The following ZNF256 variants were observed in gnomAD, a reference collection of about 807,000 sequenced individuals.
ZNF256 encodes zinc finger protein 256, also known as bone marrow zinc finger 3.
Under a neutral mutation model 7.9 loss-of-function variants are expected in ZNF256, and 4 were observed. The observed-to-expected ratio is 0.50, with a 90% CI of 0.25 to 1.15. The LOEUF (loss-of-function observed/expected upper bound fraction) is 1.15. Ranked by LOEUF, ZNF256 falls within the 50% of genes most tolerant of loss-of-function variation. The pLI, the probability that ZNF256 is intolerant of heterozygous loss-of-function variation, is 0.15. For synonymous variants in ZNF256, 260 were observed against 260.4 expected, an observed-to-expected ratio of 1.00 and a Z score of 0.02; for missense variants, 666 against 755.9, an observed-to-expected ratio of 0.88 and a Z score of 1.39.
chr19:57,944,068 G>A lies in ZNF256; in HGVS notation c.34-8C>T. On this transcript the variant is annotated splice_region_variant and splice_polypyrimidine_tract_variant and intron_variant, in intron 1 of 2. Transcript: ENST00000282308. ...CTCAAAGGTCACAATGCCCTGCCAG[G>A]ATGGGGACACATGAAACCACAAACG... 6.2e-7 allele frequency: 1 copy of A among 1,613,524 alleles called. No individual in the cohort carries two copies. Among genetic ancestry groups the A allele is most frequent in the East Asian group, 2.2e-5 (1 of 44,832 alleles).
rs1194579100 is a variant in ZNF256 at position 57,941,986 on chromosome 19, T to G, written c.822A>C (p.Lys274Asn). The G allele has an allele frequency of 1.9e-6, 3 of 1,614,006 alleles. No homozygotes were observed. Among genetic ancestry groups the G allele is most frequent in the Non-Finnish European group, 2.5e-6 (3 of 1,179,952 alleles). The change falls in exon 3 of 3, where the codon AAA becomes AAC. Residue 274 changes from lysine to asparagine, a missense_variant. Coordinates refer to ENST00000282308, the MANE Select transcript of ZNF256 (RefSeq NM_005773.3). ...EKPYTCGECG[K>N]SYRQSSSLIT... ...TAAGGCTAGAGCTTTGCCTATAGGATTTCCCACATTCTCCACATGTATAAG... is the reference window on the plus strand; with the variant it reads ...TAAGGCTAGAGCTTTGCCTATAGGAGTTCCCACATTCTCCACATGTATAAG...
At chr19:57,942,675 G>GC in intron 2 of ZNF256, 28 bp from the exon 3 acceptor site, 1 of 1,601,950 alleles carries the variant, frequency 6.2e-7, no homozygotes, top group Non-Finnish European at 8.5e-7. Flanking sequence ...CTGGTGAAGA[G>GC]CATGCTGACT....
intron 1 of ZNF256, 48 bp from the exon 2 acceptor site, chr19:57,944,108 G>T: frequency 6.2e-7 from 1 of 1,609,564 alleles, no homozygotes; most frequent in Non-Finnish European, 8.5e-7. Context: ...CTCCTCTCAG[G>T]ATCCATAATC....
At chr19:57,944,471 C>T (rs2072752934) in intron 1 of ZNF256, among the ~76,000 whole-genome samples, 1 of 152,250 alleles carries the variant, frequency 6.6e-6, no homozygotes, top group Non-Finnish European at 1.5e-5. Flanking sequence ...ACCATGACCA[C>T]CACTACGTCC....
chr19:57,941,072 T>G lies in ZNF256; in HGVS notation c.1736A>C (p.Glu579Ala), dbSNP rs1359355328. 1 of 1,614,078 alleles carries G rather than the reference T, an allele frequency of 6.2e-7. No individual in the cohort carries two copies. Among genetic ancestry groups the G allele is most frequent in the African/African-American group, 1.3e-5 (1 of 74,932 alleles). The change falls in exon 3 of 3, where the codon GAA becomes GCA. Residue 579 changes from glutamate to alanine, a missense_variant. Glu to Ala is a moderately radical substitution (Grantham distance 107). Transcript: ENST00000282308. ...GCTCTGGCTAAAGGATTTTCCACATTCACTGCATTCATAAGGCCTTTCTCC... is the reference window on the plus strand; with the variant it reads ...GCTCTGGCTAAAGGATTTTCCACATGCACTGCATTCATAAGGCCTTTCTCC... Reference protein sequence around the residue: ...HTGERPYECSECGKSFSQSSN... With the variant: ...HTGERPYECSACGKSFSQSSN...
chr19:57,947,244 G>A lies in ZNF256; in HGVS notation c.33+198C>T, dbSNP rs115238131. 2.7e-3 allele frequency among the ~76,000 whole-genome samples: 413 copies of A among 152,326 alleles called. 3 individuals are homozygous for A. Among genetic ancestry groups the A allele is most frequent in the Middle Eastern group, 0.01 (3 of 294 alleles). On this transcript the variant is annotated intron_variant, in intron 1 of 2. Transcript: ENST00000282308. ...TGGCTGTGTCACCTCTGTGCCCCAG[G>A]GCTCAGTGGCGCCTCTCATCAGGGG...
At chr19:57,945,715 T>A (rs1249325564) in intron 1 of ZNF256, among the ~76,000 whole-genome samples, 2 of 152,176 alleles carry the variant, frequency 1.3e-5, no homozygotes, top group Non-Finnish European at 2.9e-5. Context: ...TTTGAAGGCC[T>A]CCCTGCCAGG....
At chr19:57,943,453 C>A (rs1422289439) in intron 2 of ZNF256, among the ~76,000 whole-genome samples, 1 of 152,054 alleles carries the variant, frequency 6.6e-6, no homozygotes, top group African/African-American at 2.4e-5. Context: ...CCAAGACCAG[C>A]CCAGAATGAC....
rs761118966 is a variant in ZNF256 at position 57,941,461 on chromosome 19, G to A, written c.1347C>T (p.Asp449=). ...TGTGAACTCTCTCATGTACAATGAG[G>A]TCAAATTTCCTGCTAAATAATTTTC... ...ECGKLFSRKF[D]LIVHERVHTG... is the part of the protein sequence containing the mutation. Residue 449 remains aspartate (D), a synonymous_variant, in exon 3 of 3, where the codon GAC becomes GAT. Coordinates refer to ENST00000282308, the MANE Select transcript of ZNF256 (RefSeq NM_005773.3). 1 of 1,614,048 alleles carries A rather than the reference G, an allele frequency of 6.2e-7. No homozygotes were observed. Among genetic ancestry groups the A allele is most frequent in the Non-Finnish European group, 8.5e-7 (1 of 1,180,012 alleles).
chr19:57,947,703 T>A lies in ZNF256; in HGVS notation c.-229A>T. The A allele has an allele frequency of 2.4e-6, 1 of 418,466 alleles. No individual in the cohort carries two copies. The highest frequency in any genetic ancestry group is 4.1e-6 in the Non-Finnish European group (1 of 245,838). The allele number at this position is 418,466 out of a possible 1,614,324, so 25.9% of individuals were successfully genotyped here. ...ACCGCCACAAGGAGGACAACGGAAG[T>A]CCCGCCGCGACCGCGCGTGCGCTTA... On this transcript the variant is annotated 5_prime_UTR_variant, in exon 1 of 3. Transcript: ENST00000282308.
intron 1 of ZNF256, among the ~76,000 whole-genome samples, chr19:57,946,157 AAC>A (rs534956709): frequency 4.3e-4 from 65 of 152,230 alleles, no homozygotes; most frequent in Admixed American, 1.1e-3. Context: ...TTGGCCCACT[AAC>A]AGCTTTACAA....
chr19:57,945,338 A>C (rs1170484898), intron 1 of ZNF256, among the ~76,000 whole-genome samples: 1 of 152,230 alleles, frequency 6.6e-6, no homozygotes. Context: ...AAGATGGAGA[A>C]GCTCCACTGG....
At position 57,941,134 on chromosome 19, in the gene ZNF256, G is replaced by T. The variant is rs767847184; in HGVS notation, c.1674C>A (p.Asn558Lys). Residue 558 changes from asparagine (N) to lysine (K), a missense_variant, in exon 3 of 3, where the codon AAC becomes AAA. Asn to Lys is a moderately conservative substitution (Grantham distance 94, BLOSUM62 0). Transcript: ENST00000282308. ...TTCGGTGTTTAACGAGGCTAGAGTG[G>T]TTACTAAAGGATTTCCAACACTCAC... ...ECSECWKSFS[N>K]HSSLVKHRRV... 5.0e-6 allele frequency: 8 copies of T among 1,614,022 alleles called. No homozygotes were observed. Among genetic ancestry groups the T allele is most frequent in the South Asian group, 4.4e-5 (4 of 91,064 alleles).
intron 1 of ZNF256, among the ~76,000 whole-genome samples, chr19:57,946,365 GAT>G (rs1265584830): frequency 6.6e-6 from 1 of 152,092 alleles, no homozygotes; most frequent in Non-Finnish European, 1.5e-5. Flanking sequence ...AAACAAACCT[GAT>G]ATCCCTAGTG....
rs2072775830 is a variant in ZNF256 at position 57,947,491 on chromosome 19, A to AGCGGG, written c.-22_-18dup. 1 of 1,249,016 alleles carries AGCGGG rather than the reference A, an allele frequency of 8.0e-7. No individual in the cohort carries two copies. Among genetic ancestry groups the AGCGGG allele is most frequent in the South Asian group, 4.1e-5 (1 of 24,436 alleles). The allele number at this position is 1,249,016 out of a possible 1,614,324, so 77.4% of individuals were successfully genotyped here. A position where few individuals can be genotyped will look rare whatever the true frequency, so the allele number is the denominator to read the frequency against. ...CGCCGCCATCTGACTCTGTGAGCGG[A>AGCGGG]GCGGGGCCAGAGAGGATGTCCTTAT... On this transcript the variant is annotated 5_prime_UTR_variant, in exon 1 of 3. Transcript: ENST00000282308.
chr19:57,942,717 G>C (rs1010463997), intron 2 of ZNF256, 70 bp from the exon 3 acceptor site: 1 of 1,545,224 alleles, frequency 6.5e-7, no homozygotes, highest in African/African-American at 1.4e-5. Context: ...ACAGACAAAT[G>C]TGCATCCAAC....
chr19:57,941,298 AG>A lies in ZNF256; in HGVS notation c.1509del (p.Ser504LeufsTer116). On this transcript the variant is annotated frameshift_variant, in exon 3 of 3. Coordinates refer to ENST00000282308, the MANE Select transcript of ZNF256 (RefSeq NM_005773.3). LOFTEE classifies it low-confidence loss of function (END_TRUNC). ...ACTCTCTGGTGTTGAAGGAGCGTAGAGCTATGAGTAAATGATTTCCCACACT... is the reference window on the plus strand; with the variant it reads ...ACTCTCTGGTGTTGAAGGAGCGTAGACTATGAGTAAATGATTTCCCACACT... ...CGECGKSFTH[S>X]STLLQHQRVH... 6.2e-7 allele frequency: 1 copy of A among 1,614,054 alleles called. No individual in the cohort carries two copies. Among genetic ancestry groups the A allele is most frequent in the African/African-American group, 1.3e-5 (1 of 74,996 alleles).
At chr19:57,943,365 A>G (rs1307780708) in intron 2 of ZNF256, among the ~76,000 whole-genome samples, 1 of 152,188 alleles carries the variant, frequency 6.6e-6, no homozygotes, top group Non-Finnish European at 1.5e-5. Context: ...GTGGGGAATC[A>G]CAGCCATCCT....
chr19:57,941,211 T>C lies in ZNF256; in HGVS notation c.1597A>G (p.Ser533Gly). 1 of 1,613,826 alleles carries C rather than the reference T, an allele frequency of 6.2e-7. No homozygotes were observed. Among genetic ancestry groups the C allele is most frequent in the Non-Finnish European group, 8.5e-7 (1 of 1,179,780 alleles). Residue 533 changes from serine (S) to glycine (G), a missense_variant, in exon 3 of 3, where the codon AGC becomes GGC. Physicochemically the swap from Ser to Gly is moderately conservative, Grantham distance 56. Coordinates refer to ENST00000282308, the MANE Select transcript of ZNF256 (RefSeq NM_005773.3). ...ECGKFFSQSS[S>G]LIRHRRSHTG... ...TGACTTCTCCTATGTCTAATGAGGC[T>C]GGAGCTCTGGCTAAAAAACTTCCCA...
Sources: gnomAD v4.1 joint callset for allele counts (sites outside exome capture counted in the v4.1 genomes callset) on GRCh38, gnomAD v4.1.1 for gene constraint, MANE v1.5 for transcripts, NCBI Gene and HGNC (gene_info 2026-07-23, HGNC 2026-07-21) for gene names.